The following FAT1 variants were observed in gnomAD, a reference collection of about 807,000 sequenced individuals.
FAT1 encodes protocadherin Fat 1.
Under a neutral mutation model 329.8 loss-of-function variants are expected in FAT1, and 171 were observed. That is an observed-to-expected ratio of 0.52 (90% CI 0.46 to 0.59). The LOEUF (loss-of-function observed/expected upper bound fraction) is 0.59. Among genes scored for constraint, FAT1 ranks in the 20% least tolerant of loss-of-function variants. The pLI is 0.00. For synonymous variants in FAT1, 2,233 were observed against 2,228.6 expected, an observed-to-expected ratio of 1.00 and a Z score of -0.06; for missense variants, 5,672 against 5,774.4, an observed-to-expected ratio of 0.98 and a Z score of 0.57.
At chr4:186,723,866 AG>A (rs1745596070), upstream of FAT1, 1 of 149,592 alleles carries the variant, frequency 6.7e-6, no homozygotes, top group African/African-American at 2.5e-5. Flanking sequence ...CCCCGAGCGC[AG>A]GAGATCCCTC....
At chr4:186,679,349 G>A (rs530390660) in intron 2 of FAT1, among the ~76,000 whole-genome samples, 22 of 150,822 alleles carry the variant, frequency 1.5e-4, no homozygotes, top group Admixed American at 9.9e-4. Context: ...CCTGGGAGGC[G>A]GAGCTTGCAG....
intron 1 of FAT1, among the ~76,000 whole-genome samples, chr4:186,720,085 C>G (rs1401604253): frequency 6.6e-6 from 1 of 152,206 alleles, no homozygotes; most frequent in Non-Finnish European, 1.5e-5. Context: ...GGCATACTTC[C>G]CAGACTTGCA....
chr4:186,675,782 A>AACAC (rs66981811), intron 2 of FAT1, among the ~76,000 whole-genome samples: 5,046 of 143,146 alleles, frequency 0.035, 115 homozygotes, highest in Non-Finnish European at 0.048. Context: ...CCCTGTCTAA[A>AACAC]ACACACACAC....
Position 186,620,478 on chromosome 4 carries a change from G to T in FAT1, c.6108C>A (p.Gly2036=). 1.2e-6 allele frequency: 2 copies of T among 1,613,994 alleles called. No individual in the cohort carries two copies. The highest frequency in any genetic ancestry group is 1.6e-4 in the Middle Eastern group (1 of 6,062). Residue 2036 remains glycine (G), a synonymous_variant, in exon 10 of 27, where the codon GGC becomes GGA. Coordinates refer to ENST00000441802, the MANE Select transcript of FAT1 (RefSeq NM_005245.4). ...SRTSGVLSTT[G]TPFDREQQEA... ...CCTGCTGCTCACGATCGAAGGGCGTGCCAGTGGTTGACAGAACTCCTGAAG... is the reference window on the plus strand; with the variant it reads ...CCTGCTGCTCACGATCGAAGGGCGTTCCAGTGGTTGACAGAACTCCTGAAG...
chr4:186,655,476 C>T (rs1741860450), intron 3 of FAT1, among the ~76,000 whole-genome samples: 1 of 151,214 alleles, frequency 6.6e-6, no homozygotes. Flanking sequence ...TCACTGTTGC[C>T]TAGGTTGGAG....
intron 3 of FAT1, among the ~76,000 whole-genome samples, chr4:186,647,415 T>C (rs1741432174): frequency 6.6e-6 from 1 of 152,234 alleles, no homozygotes; most frequent in African/African-American, 2.4e-5. Context: ...AAAGCTGAGA[T>C]TTGACCCCAA....
chr4:186,613,440 G>A (rs1490451507), intron 12 of FAT1, 98 bp from the exon 13 acceptor site: 2 of 879,358 alleles, frequency 2.3e-6, no homozygotes, highest in South Asian at 3.0e-5. Flanking sequence ...TACTTAGTCT[G>A]AGTATTCACA....
At chr4:186,667,193 T>C (rs1234551760) in intron 2 of FAT1, among the ~76,000 whole-genome samples, 5 of 152,200 alleles carry the variant, frequency 3.3e-5, no homozygotes, top group African/African-American at 1.2e-4. Flanking sequence ...CGTGCCTTAT[T>C]TCTAGTTCGG....
intron 2 of FAT1, among the ~76,000 whole-genome samples, chr4:186,668,148 T>C (rs780960710): frequency 9.2e-5 from 14 of 152,122 alleles, no homozygotes; most frequent in African/African-American, 3.1e-4. Flanking sequence ...AAGGAAGCCT[T>C]AAGCGTGCCA....
chr4:186,672,497 C>A (rs1474783616), intron 2 of FAT1, among the ~76,000 whole-genome samples: 1 of 152,104 alleles, frequency 6.6e-6, no homozygotes, highest in Non-Finnish European at 1.5e-5. Flanking sequence ...GCCATGAGTG[C>A]CATTTTGTGA....
intron 1 of FAT1, among the ~76,000 whole-genome samples, chr4:186,713,199 C>G (rs897156047): frequency 1.3e-5 from 2 of 152,036 alleles, no homozygotes; most frequent in Non-Finnish European, 1.5e-5. Flanking sequence ...CCTTCCAAGA[C>G]ACCACCTTAC....
At chr4:186,650,736 T>C (rs1274987929) in intron 3 of FAT1, among the ~76,000 whole-genome samples, 1 of 152,022 alleles carries the variant, frequency 6.6e-6, no homozygotes, top group African/African-American at 2.4e-5. Context: ...ATAAATTACA[T>C]AAATAGGGAA....
Position 186,619,430 on chromosome 4 carries a change from T to C in FAT1, c.7156A>G (p.Asn2386Asp). ...VTVDVTDLND[N>D]PPLFEQQIYE... The stretch of plus-strand genomic sequence containing the variant: ...ATCTGTTGTTCAAAGAGTGGTGGAT[T>C]ATCATTGAGGTCGGTAACGTCCACC... The change falls in exon 10 of 27, where the codon AAT becomes GAT. Residue 2386 changes from asparagine to aspartate, a missense_variant. This residue lies in a region of FAT1 where 3,966 missense variants were observed against 3,915.2 expected (regional missense o/e 1.01). Coordinates refer to ENST00000441802, the MANE Select transcript of FAT1 (RefSeq NM_005245.4). 6.2e-7 allele frequency: 1 copy of C among 1,613,966 alleles called. No individual in the cohort carries two copies. The highest frequency in any genetic ancestry group is 8.5e-7 in the Non-Finnish European group (1 of 1,179,862).
intron 2 of FAT1, among the ~76,000 whole-genome samples, chr4:186,704,557 A>G (rs1305604495): frequency 6.6e-6 from 1 of 152,212 alleles, no homozygotes; most frequent in Non-Finnish European, 1.5e-5. Flanking sequence ...TTAACTTTTA[A>G]CAGTTCTTTA....
Position 186,606,275 on chromosome 4 carries a change from G to A in FAT1, c.10207-62C>T, listed in dbSNP as rs2126449165. 3 of 1,587,756 alleles carry A rather than the reference G, an allele frequency of 1.9e-6. 1 individual carries two copies. Among genetic ancestry groups the A allele is most frequent in the Non-Finnish European group, 8.6e-7 (1 of 1,164,606 alleles). The stretch of plus-strand genomic sequence containing the variant: ...ACAAGGCCGACAGAGCTCCAATGAG[G>A]AGTGTCCTCCTGAGAGTCCTGACGG... On this transcript the variant is annotated intron_variant, in intron 16 of 26. Coordinates refer to ENST00000441802, the MANE Select transcript of FAT1 (RefSeq NM_005245.4).
intron 2 of FAT1, among the ~76,000 whole-genome samples, chr4:186,673,690 C>T (rs531951096): frequency 6.6e-6 from 1 of 152,324 alleles, no homozygotes; most frequent in African/African-American, 2.4e-5. Context: ...AGCTTTCTGA[C>T]TTGCAAACTT....
At chr4:186,711,429 G>A (rs2126709234) in intron 1 of FAT1, among the ~76,000 whole-genome samples, 1 of 152,228 alleles carries the variant, frequency 6.6e-6, no homozygotes, top group South Asian at 2.1e-4. Flanking sequence ...ATCTCTTTAA[G>A]TATCTCCATT....
chr4:186,610,166 A>G, intron 14 of FAT1, 151 bp from the exon 15 acceptor site: 1 of 587,752 alleles, frequency 1.7e-6, no homozygotes, highest in Non-Finnish European at 3.0e-6. Context: ...TCTTAATTCA[A>G]CAATTAAAAA....
intron 24 of FAT1, 55 bp downstream of exon 24, chr4:186,597,627 G>T: frequency 7.8e-7 from 1 of 1,287,154 alleles, no homozygotes; most frequent in Non-Finnish European, 1.1e-6. Flanking sequence ...GCATCTGCCA[G>T]TCAATATGAC....
Sources: allele counts gnomAD v4.1 joint callset (sites outside exome capture counted in the v4.1 genomes callset), GRCh38; gene constraint gnomAD v4.1.1; regional missense constraint gnomAD v4.1.1; transcripts MANE v1.5; gene names NCBI Gene and HGNC (gene_info 2026-07-23, HGNC 2026-07-21).